DGKI: variants seen among roughly 807,000 people sequenced by gnomAD.
The protein encoded by DGKI is DAG kinase iota.
A neutral mutation model predicts 147.5 loss-of-function variants in DGKI; 55 were observed. The observed-to-expected ratio is 0.37, with a 90% CI of 0.30 to 0.47. The LOEUF is 0.47. Among genes scored for constraint, DGKI ranks in the 20% least tolerant of loss-of-function variants. The probability of loss-of-function intolerance (pLI) is 1.00; values close to 1 mark genes in which losing one functional copy is unlikely to be tolerated. For missense variants in DGKI, 1,007 were observed against 1,323.8 expected (o/e 0.76, Z 3.71); for synonymous variants, 469 against 477.1 (o/e 0.98, Z 0.22).
chr7:137,443,629 T>C (rs1420627032), intron 28 of DGKI, among the ~76,000 whole-genome samples: 1 of 152,182 alleles, frequency 6.6e-6, no homozygotes, highest in Non-Finnish European at 1.5e-5. Context: ...TTGCCTTCCT[T>C]TCAGATTTAG....
At chr7:137,520,284 A>T (rs980149573) in intron 21 of DGKI, among the ~76,000 whole-genome samples, 2 of 152,098 alleles carry the variant, frequency 1.3e-5, no homozygotes, top group African/African-American at 4.8e-5. Flanking sequence ...TTCTTTTAAG[A>T]ACTGTTAGCT....
At chr7:137,398,441 A>C (rs866023918) in intron 30 of DGKI, among the ~76,000 whole-genome samples, 30 of 152,314 alleles carry the variant, frequency 2.0e-4, no homozygotes, top group African/African-American at 5.8e-4. Context: ...AGATGCTTAA[A>C]CATTTGATTG....
intron 20 of DGKI, among the ~76,000 whole-genome samples, chr7:137,530,989 G>A (rs890127950): frequency 1.3e-5 from 2 of 151,984 alleles, no homozygotes; most frequent in Non-Finnish European, 2.9e-5. Flanking sequence ...TGGTGAACTG[G>A]CAACTAGAGA....
chr7:137,463,599 C>A lies in DGKI; in HGVS notation c.2625G>T (p.Trp875Cys). The A allele has an allele frequency of 1.2e-6, 2 of 1,614,116 alleles. No individual in the cohort carries two copies. Among genetic ancestry groups the A allele is most frequent in the Non-Finnish European group, 1.7e-6 (2 of 1,179,994 alleles). The change falls in exon 27 of 33, where the codon TGG becomes TGT. Residue 875 changes from tryptophan (W) to cysteine (C), a missense_variant. Trp to Cys is a radical substitution (Grantham distance 215, BLOSUM62 -2). Coordinates refer to ENST00000614521, the MANE Select transcript of DGKI (RefSeq NM_001321708.2). Reference sequence around the variant, plus strand: ...TGCGTTTCCGCAGGGCAGGATTCCACCAGTCTGAGATCCTGAGAGAAAGAA... The same window carrying A: ...TGCGTTTCCGCAGGGCAGGATTCCAACAGTCTGAGATCCTGAGAGAAAGAA... Reference protein sequence around the residue: ...VVEQASGISDWWNPALRKRML... With the variant: ...VVEQASGISDCWNPALRKRML...
intron 28 of DGKI, among the ~76,000 whole-genome samples, chr7:137,433,397 C>T (rs1813155951): frequency 6.6e-6 from 1 of 152,142 alleles, no homozygotes; most frequent in Non-Finnish European, 1.5e-5. Context: ...ACCAGCCAGT[C>T]CTTTGCAAGA....
chr7:137,488,329 A>G (rs978501839), intron 21 of DGKI, among the ~76,000 whole-genome samples: 8 of 152,144 alleles, frequency 5.3e-5, no homozygotes, highest in African/African-American at 1.7e-4. Context: ...AACTAATTTT[A>G]AGGATGGCCA....
At chr7:137,722,405 T>C (rs142834185) in intron 1 of DGKI, 2 of 1,612,468 alleles carry the variant, frequency 1.2e-6, no homozygotes, top group Non-Finnish European at 1.7e-6. Context: ...GTGAGAAAAC[T>C]GCGAGCCAGC....
At chr7:137,467,905 G>A (rs1585142526) in intron 24 of DGKI, among the ~76,000 whole-genome samples, 1 of 151,254 alleles carries the variant, frequency 6.6e-6, no homozygotes, top group East Asian at 1.9e-4. Flanking sequence ...GATTGCCTGA[G>A]CCCAGGAGTT....
At chr7:137,475,093 A>G (rs888066336) in intron 23 of DGKI, among the ~76,000 whole-genome samples, 7 of 152,190 alleles carry the variant, frequency 4.6e-5, no homozygotes, top group African/African-American at 1.4e-4. Context: ...TTCTGCCCTT[A>G]GTCACATGAG....
At chr7:137,660,438 T>C (rs2116283429) in intron 3 of DGKI, among the ~76,000 whole-genome samples, 1 of 152,322 alleles carries the variant, frequency 6.6e-6, no homozygotes. Context: ...ATATTTCCCA[T>C]GCTGCAGGCC....
Position 137,390,927 on chromosome 7 carries a change from A to G in DGKI, c.*293T>C. On this transcript the variant is annotated 3_prime_UTR_variant, in exon 33 of 33. Coordinates refer to ENST00000614521, the MANE Select transcript of DGKI (RefSeq NM_001321708.2). ...CCTTTGAATCTTTAAAATAAATTATACAGGTGAACACAGAAGTTCATGCTA... is the reference window on the plus strand; with the variant it reads ...CCTTTGAATCTTTAAAATAAATTATGCAGGTGAACACAGAAGTTCATGCTA... 2.6e-6 allele frequency: 1 copy of G among 385,166 alleles called. No individual in the cohort carries two copies. The highest frequency in any genetic ancestry group is 2.9e-5 in the South Asian group (1 of 34,280). The allele number at this position is 385,166 out of a possible 1,614,324, so 23.9% of individuals were successfully genotyped here.
At chr7:137,410,398 C>T (rs929953915) in intron 29 of DGKI, among the ~76,000 whole-genome samples, 2 of 152,088 alleles carry the variant, frequency 1.3e-5, no homozygotes, top group African/African-American at 4.8e-5. Flanking sequence ...GAGCGAGACT[C>T]CATCTCCAAA....
At chr7:137,429,692 C>T (rs959928578) in intron 28 of DGKI, among the ~76,000 whole-genome samples, 1 of 149,614 alleles carries the variant, frequency 6.7e-6, no homozygotes, top group Non-Finnish European at 1.5e-5. Context: ...ACAATGAACT[C>T]AAACAAATTT....
chr7:137,624,700 G>A (rs1554443728), intron 6 of DGKI, among the ~76,000 whole-genome samples: 5 of 152,018 alleles, frequency 3.3e-5, no homozygotes, highest in Non-Finnish European at 7.4e-5. Flanking sequence ...CGCCTCCCGG[G>A]TTCACACCAT....
chr7:137,679,075 T>C (rs368978293), intron 2 of DGKI, among the ~76,000 whole-genome samples: 146 of 152,352 alleles, frequency 9.6e-4, no homozygotes, highest in African/African-American at 3.4e-3. Flanking sequence ...AAAAGGAGGA[T>C]GGTAGCATTA....
chr7:137,667,746 T>A (rs908839040), intron 3 of DGKI, among the ~76,000 whole-genome samples: 2 of 152,212 alleles, frequency 1.3e-5, no homozygotes, highest in Non-Finnish European at 2.9e-5. Context: ...TTTGGTGACA[T>A]AATTAAGGCA....
intron 1 of DGKI, among the ~76,000 whole-genome samples, chr7:137,799,673 G>A (rs1359272485): frequency 1.3e-5 from 2 of 152,076 alleles, no homozygotes; most frequent in African/African-American, 4.8e-5. Context: ...GCTTTCCTAA[G>A]GAAAACTGAT....
intron 14 of DGKI, among the ~76,000 whole-genome samples, chr7:137,582,588 T>C (rs1474900000): frequency 6.6e-6 from 1 of 152,054 alleles, no homozygotes; most frequent in Non-Finnish European, 1.5e-5. Context: ...ATTTAATCTA[T>C]CAACCCTTAT....
chr7:137,626,137 G>A (rs1169037779), intron 6 of DGKI, among the ~76,000 whole-genome samples: 1 of 152,006 alleles, frequency 6.6e-6, no homozygotes, highest in Non-Finnish European at 1.5e-5. Flanking sequence ...TTGCATCCTT[G>A]TGTTGTAATA....
Sources: gnomAD v4.1 joint callset for allele counts (sites outside exome capture counted in the v4.1 genomes callset) on GRCh38, gnomAD v4.1.1 for gene constraint, MANE v1.5 for transcripts, NCBI Gene and HGNC (gene_info 2026-07-23, HGNC 2026-07-21) for gene names.